The following AJAP1 variants were observed in gnomAD, a reference collection of about 807,000 sequenced individuals.
The protein encoded by AJAP1 is adherens junction-associated protein 1.
Under a neutral mutation model 35.0 loss-of-function variants are expected in AJAP1, and 5 were observed. That is an observed-to-expected ratio of 0.14 (90% CI 0.07 to 0.30). The LOEUF (loss-of-function observed/expected upper bound fraction) is 0.30, where lower values mean the gene tolerates loss of function less well. Among genes scored for constraint, AJAP1 ranks in the 10% least tolerant of loss-of-function variants. AJAP1 has a pLI of 1.00. For synonymous variants in AJAP1, 284 were observed against 249.3 expected (o/e 1.14, Z -1.31); for missense variants, 586 against 571.0 (o/e 1.03, Z -0.27).
intron 2 of AJAP1, among the ~76,000 whole-genome samples, chr1:4,739,817 G>C (rs1047869577): frequency 6.6e-6 from 1 of 152,042 alleles, no homozygotes; most frequent in Non-Finnish European, 1.5e-5. Context: ...AATTGTGTTT[G>C]GTTCTTCTGC....
intron 1 of AJAP1, among the ~76,000 whole-genome samples, chr1:4,695,558 T>TTTTAA (rs1421536288): frequency 2.0e-5 from 3 of 152,188 alleles, no homozygotes; most frequent in Non-Finnish European, 4.4e-5. Context: ...TGTGAGAAAG[T>TTTTAA]ACCACAGACT....
intron 1 of AJAP1, among the ~76,000 whole-genome samples, chr1:4,710,433 G>A (rs567047327): frequency 6.0e-5 from 9 of 150,252 alleles, no homozygotes; most frequent in African/African-American, 2.0e-4. Context: ...TGACCCACAC[G>A]CACACACTCA....
At position 4,693,218 on chromosome 1, in the gene AJAP1, G is replaced by T. The variant is rs1456007172; in HGVS notation, c.30-18682G>T. Among the ~76,000 whole-genome samples, 1 of 152,232 alleles carries T rather than the reference G, an allele frequency of 6.6e-6. No individual in the cohort carries two copies. The highest frequency in any genetic ancestry group is 1.5e-5 in the Non-Finnish European group (1 of 68,010). ...CCAGGATTCAAAGGCCCACCCGAGTGGGGAGGCGCCCATGGGAACTTTAGA... is the reference window on the plus strand; with the variant it reads ...CCAGGATTCAAAGGCCCACCCGAGTTGGGAGGCGCCCATGGGAACTTTAGA... On this transcript the variant is annotated intron_variant, in intron 1 of 5. Transcript: ENST00000378191. The surrounding 1 kb of genome is among the most constrained non-coding windows in gnomAD (Gnocchi z 4.4).
rs530083721 is a variant in AJAP1, at chr1:4,756,838, G to T, written c.830-13015G>T. ...ACCTTGATTTGAGCAGAGAATCCTTGTGGGTTTTCCCAGAATGCTGAGAAG... is the reference window on the plus strand; with the variant it reads ...ACCTTGATTTGAGCAGAGAATCCTTTTGGGTTTTCCCAGAATGCTGAGAAG... On this transcript the variant is annotated intron_variant, in intron 2 of 5. Transcript: ENST00000378191. Among the ~76,000 whole-genome samples, 7 of 152,300 alleles carry T rather than the reference G, an allele frequency of 4.6e-5. No individual in the cohort carries two copies. In the South Asian group the frequency reaches 1.5e-3, roughly 32 times the overall value.
At chr1:4,698,400 A>G (rs1639914850) in intron 1 of AJAP1, among the ~76,000 whole-genome samples, 1 of 152,208 alleles carries the variant, frequency 6.6e-6, no homozygotes. Context: ...TCAGATATAA[A>G]GGACTGGGGA....
chr1:4,758,796 C>T (rs942196944), intron 2 of AJAP1, among the ~76,000 whole-genome samples: 5 of 152,190 alleles, frequency 3.3e-5, no homozygotes, highest in Non-Finnish European at 7.4e-5. Context: ...CGATTGACAG[C>T]ACAGCTCCCA....
In AJAP1 at chr1:4,783,469, G is replaced by GTATATATATATATATATA. The variant is rs1290187096; in HGVS notation, c.*985_*986insATATATATATATATATAT. On this transcript the variant is annotated 3_prime_UTR_variant, in exon 6 of 6. Transcript: ENST00000378191. ...GAATGCCAAGGTTTTATATATGTGT[G>GTATATATATATATATATA]TGTATATATATATATATATATATAT... 1.8e-5 allele frequency: 2 copies of GTATATATATATATATATA among 111,484 alleles called. No homozygotes were observed. Among genetic ancestry groups the GTATATATATATATATATA allele is most frequent in the African/African-American group, 3.5e-5 (1 of 28,414 alleles). The allele number at this position is 111,484 out of a possible 1,614,324, so 6.9% of individuals were successfully genotyped here.
At chr1:4,769,984 C>CG in intron 3 of AJAP1, 44 bp downstream of exon 3, 1 of 1,521,534 alleles carries the variant, frequency 6.6e-7, no homozygotes. Context: ...GGGGGACTAC[C>CG]GGGGTCCCTG....
At position 4,781,608 on chromosome 1, in the gene AJAP1, C is replaced by T. The variant is rs1005748237; in HGVS notation, c.*60-937C>T. ...TGTGTCATCTGCACAGATGAGGATG[C>T]GGTAGCATTTTCTTTCTACTGTTGA... On this transcript the variant is annotated intron_variant, in intron 5 of 5. Coordinates refer to ENST00000378191, the MANE Select transcript of AJAP1 (RefSeq NM_018836.4). Among the ~76,000 whole-genome samples the T allele has an allele frequency of 4.6e-5, 7 of 152,328 alleles. No homozygotes were observed. The East Asian group carries it at 9.7e-4, about 21-fold the overall frequency.
Position 4,784,695 on chromosome 1 carries a change from T to G in AJAP1, c.*2210T>G, listed in dbSNP as rs1215383078. On this transcript the variant is annotated 3_prime_UTR_variant, in exon 6 of 6. Transcript: ENST00000378191. ...GCTCACAAATTAGGAAAAGTTGTTCTTTAGTTTTTGTTCTGTCATTTATTT... is the reference window on the plus strand; with the variant it reads ...GCTCACAAATTAGGAAAAGTTGTTCGTTAGTTTTTGTTCTGTCATTTATTT... 6.6e-6 allele frequency: 1 copy of G among 152,264 alleles called. No individual in the cohort carries two copies. Among genetic ancestry groups the G allele is most frequent in the Non-Finnish European group, 1.5e-5 (1 of 68,064 alleles). 9.4% of individuals were successfully genotyped at this position (152,264 alleles called of 1,614,324 possible). A position where few individuals can be genotyped will look rare whatever the true frequency, so the allele number is the denominator to read the frequency against.
rs903709553 is a variant in AJAP1 at position 4,782,203 on chromosome 1, C to T, written c.*60-342C>T. Among the ~76,000 whole-genome samples, 1 of 152,146 alleles carries T rather than the reference C, an allele frequency of 6.6e-6. No homozygotes were observed. The highest frequency in any genetic ancestry group is 1.5e-5 in the Non-Finnish European group (1 of 68,032). On this transcript the variant is annotated intron_variant, in intron 5 of 5. Coordinates refer to ENST00000378191, the MANE Select transcript of AJAP1 (RefSeq NM_018836.4). This position sits in a 1 kb window ranked among gnomAD's most constrained non-coding sequence, Gnocchi z 5.3. Reference sequence around the variant, plus strand: ...GCCCCCTGACATGCACGCCTGGGACCGGATGCCCCGGCACCCCCACCATGA... The same window carrying T: ...GCCCCCTGACATGCACGCCTGGGACTGGATGCCCCGGCACCCCCACCATGA...
chr1:4,790,011 C>T lies in AJAP1; in HGVS notation c.*7526C>T, dbSNP rs373361181. The T allele has an allele frequency of 2.6e-5, 4 of 152,340 alleles. No homozygotes were observed. The highest frequency in any genetic ancestry group is 9.6e-5 in the African/African-American group (4 of 41,530). 9.4% of individuals were successfully genotyped at this position (152,340 alleles called of 1,614,324 possible). A position where few individuals can be genotyped will look rare whatever the true frequency, so the allele number is the denominator to read the frequency against. On this transcript the variant is annotated 3_prime_UTR_variant, in exon 6 of 6. Coordinates refer to ENST00000378191, the MANE Select transcript of AJAP1 (RefSeq NM_018836.4). ...ATTCTTGTTCACTCTTCAGTCATCC[C>T]AAGCCAAAAGGGAAAATTCGAAACC... is the stretch of plus-strand genomic sequence containing the variant.
chr1:4,710,282 ACT>A (rs768461304), intron 1 of AJAP1, among the ~76,000 whole-genome samples: 28 of 151,962 alleles, frequency 1.8e-4, no homozygotes, highest in Admixed American at 1.1e-3. Context: ...ACAACAGTAC[ACT>A]CTCACACACG....
At chr1:4,697,086 CTG>C (rs1371768112) in intron 1 of AJAP1, among the ~76,000 whole-genome samples, 3 of 152,020 alleles carry the variant, frequency 2.0e-5, no homozygotes, top group Admixed American at 1.3e-4. Context: ...GTCTATGTGC[CTG>C]TGTTTTCTGT....
At chr1:4,744,932 G>A (rs910858216) in intron 2 of AJAP1, among the ~76,000 whole-genome samples, 8 of 152,064 alleles carry the variant, frequency 5.3e-5, no homozygotes, top group African/African-American at 1.4e-4. Flanking sequence ...AATAGGGCCC[G>A]GATTCGGGGC....
chr1:4,729,838 A>G (rs1193574143), intron 2 of AJAP1, among the ~76,000 whole-genome samples: 1 of 152,194 alleles, frequency 6.6e-6, no homozygotes, highest in Non-Finnish European at 1.5e-5. Flanking sequence ...TTTAGGGGCC[A>G]CCCTGATCAC....
chr1:4,787,398 C>G lies in AJAP1; in HGVS notation c.*4913C>G, dbSNP rs1642176633. The G allele has an allele frequency of 3.6e-6, 1 of 274,400 alleles. No individual in the cohort carries two copies. Among genetic ancestry groups the G allele is most frequent in the Non-Finnish European group, 7.3e-6 (1 of 137,486 alleles). 17.0% of individuals were successfully genotyped at this position (274,400 alleles called of 1,614,324 possible). A position where few individuals can be genotyped will look rare whatever the true frequency, so the allele number is the denominator to read the frequency against. ...AAAGAGAGGCAGGGGTTGTCTACGT[C>G]TCCTCCTCCTGCGACCCATCACCTA... On this transcript the variant is annotated 3_prime_UTR_variant, in exon 6 of 6. Transcript: ENST00000378191.
chr1:4,673,314 T>C (rs1570096404), intron 1 of AJAP1, among the ~76,000 whole-genome samples: 1 of 152,204 alleles, frequency 6.6e-6, no homozygotes, highest in East Asian at 1.9e-4. Flanking sequence ...ACAGGATGCA[T>C]GAGTGAGGTG....
intron 5 of AJAP1, among the ~76,000 whole-genome samples, chr1:4,775,211 C>T (rs547352360): frequency 6.6e-6 from 1 of 152,270 alleles, no homozygotes; most frequent in South Asian, 2.1e-4. Context: ...TAAATTGCCT[C>T]CTTCTGTGCT....
Sources: gnomAD v4.1 joint callset for allele counts (sites outside exome capture counted in the v4.1 genomes callset) on GRCh38, gnomAD v4.1.1 for gene constraint, Gnocchi (gnomAD v3.1) non-coding constraint, MANE v1.5 for transcripts, NCBI Gene and HGNC (gene_info 2026-07-23, HGNC 2026-07-21) for gene names.